NR1H4: variants seen among roughly 807,000 people sequenced by gnomAD.
NR1H4 encodes the protein bile acid receptor.
In NR1H4, 23 loss-of-function variants were observed where a neutral mutation model predicts 58.5. The ratio of observed to expected loss-of-function variants is 0.39; its 90% CI spans 0.28 to 0.56. NR1H4 has a LOEUF of 0.56. Among genes scored for constraint, NR1H4 ranks in the 20% least tolerant of loss-of-function variants. The pLI is 0.58. For synonymous variants in NR1H4, 214 were observed against 198.0 expected (o/e 1.08, Z -0.68); for missense variants, 487 against 576.9 (o/e 0.84, Z 1.60).
chr12:100,513,386 A>G (rs1168558116), intron 4 of NR1H4, among the ~76,000 whole-genome samples: 2 of 152,166 alleles, frequency 1.3e-5, no homozygotes, highest in African/African-American at 2.4e-5. Context: ...CTCGATTCCT[A>G]TATGAAGTGG....
intron 1 of NR1H4, among the ~76,000 whole-genome samples, chr12:100,475,350 G>A (rs1326741190): frequency 2.0e-5 from 3 of 152,084 alleles, no homozygotes; most frequent in Non-Finnish European, 4.4e-5. Flanking sequence ...GTTTTCTGAG[G>A]ATGTTGCAAC....
At chr12:100,524,378 C>A (rs566218427) in intron 4 of NR1H4, among the ~76,000 whole-genome samples, 1 of 152,304 alleles carries the variant, frequency 6.6e-6, no homozygotes, top group East Asian at 1.9e-4. Context: ...ACCCAGAACA[C>A]CCCTAGGAAC....
chr12:100,563,773 G>GA lies in NR1H4; in HGVS notation c.*288dup. On this transcript the variant is annotated 3_prime_UTR_variant, in exon 11 of 11. Coordinates refer to ENST00000392986, the MANE Select transcript of NR1H4 (RefSeq NM_001206979.2). ...CTTCAATTCTATCTGTTGAACTAGG[G>GA]AAAATCTCATTTTGCTCATCTTACC... 2.6e-6 allele frequency: 1 copy of GA among 387,846 alleles called. No homozygotes were observed. The highest frequency in any genetic ancestry group is 4.5e-5 in the South Asian group (1 of 22,352). 24.0% of individuals were successfully genotyped at this position (387,846 alleles called of 1,614,324 possible).
intron 1 of NR1H4, among the ~76,000 whole-genome samples, chr12:100,484,373 A>G (rs1953445975): frequency 6.6e-6 from 1 of 152,226 alleles, no homozygotes; most frequent in Admixed American, 6.5e-5. Flanking sequence ...TTCCCATGAC[A>G]CACGGTATCT....
At chr12:100,495,935 A>G (rs890656593) in intron 3 of NR1H4, among the ~76,000 whole-genome samples, 5 of 152,184 alleles carry the variant, frequency 3.3e-5, no homozygotes, top group African/African-American at 9.7e-5. Context: ...GGCCTAACTC[A>G]GTACTCCTGA....
intron 1 of NR1H4, among the ~76,000 whole-genome samples, chr12:100,477,645 G>A (rs1351314130): frequency 6.6e-6 from 1 of 152,220 alleles, no homozygotes; most frequent in African/African-American, 2.4e-5. Context: ...GGATGTTGCT[G>A]ATTAGAGAAA....
In NR1H4 at chr12:100,542,160, AC is replaced by A. The variant is rs1241031909; in HGVS notation, c.1078+1343del. Among the ~76,000 whole-genome samples, 4 of 152,044 alleles carry A rather than the reference AC, an allele frequency of 2.6e-5. No homozygotes were observed. In the East Asian group the frequency reaches 5.9e-4, roughly 22 times the overall value. ...CAGGAGTTCAAGACCAGCCTGGCCAACATAGTGAAACTCCGTCTCTACTAAA... is the reference window on the plus strand; with the variant it reads ...CAGGAGTTCAAGACCAGCCTGGCCAAATAGTGAAACTCCGTCTCTACTAAA... On this transcript the variant is annotated intron_variant, in intron 9 of 10. Transcript: ENST00000392986.
intron 6 of NR1H4, among the ~76,000 whole-genome samples, chr12:100,536,284 T>A (rs1307047582): frequency 6.6e-6 from 1 of 152,172 alleles, no homozygotes; most frequent in Non-Finnish European, 1.5e-5. Context: ...GTGGAATATT[T>A]TGTTATTCAT....
chr12:100,540,534 T>C, intron 8 of NR1H4, 138 bp from the exon 9 acceptor site: 1 of 876,370 alleles, frequency 1.1e-6, no homozygotes, highest in Admixed American at 1.9e-5. Context: ...TATTGGCGAG[T>C]ACAAATGGAC....
chr12:100,481,323 C>T (rs1953375336), intron 1 of NR1H4, among the ~76,000 whole-genome samples: 1 of 151,936 alleles, frequency 6.6e-6, no homozygotes, highest in Admixed American at 6.6e-5. Flanking sequence ...AGCTTCTTGA[C>T]CATTTTGACT....
At chr12:100,478,776 A>G (rs898180155) in intron 1 of NR1H4, among the ~76,000 whole-genome samples, 1 of 152,192 alleles carries the variant, frequency 6.6e-6, no homozygotes, top group Admixed American at 6.5e-5. Context: ...TCTCCAGGAA[A>G]GATACCTAGG....
chr12:100,537,010 T>C lies in NR1H4; in HGVS notation c.894T>C (p.His298=), dbSNP rs1954829163. The change falls in exon 8 of 11, where the codon CAT becomes CAC. Residue 298 remains histidine, a synonymous_variant. Transcript: ENST00000392986. The part of the protein sequence containing the change: ...FLILTEMATN[H]VQVLVEFTKK... The stretch of plus-strand genomic sequence containing the variant: ...TTTTGACGGAAATGGCAACCAATCA[T>C]GTACAGGTTCTTGTAGAATTCACAA... The C allele has an allele frequency of 1.2e-6, 2 of 1,607,166 alleles. No individual in the cohort carries two copies. Among genetic ancestry groups the C allele is most frequent in the Non-Finnish European group, 1.7e-6 (2 of 1,177,068 alleles).
chr12:100,546,522 T>A (rs2136275991), intron 9 of NR1H4, among the ~76,000 whole-genome samples: 1 of 151,912 alleles, frequency 6.6e-6, no homozygotes, highest in African/African-American at 2.4e-5. Context: ...AGTGAAACCT[T>A]GTCTCTATTA....
intron 3 of NR1H4, among the ~76,000 whole-genome samples, chr12:100,497,758 A>T (rs3789986): frequency 0.031 from 4,705 of 152,328 alleles, 160 homozygotes; most frequent in East Asian, 0.15. Context: ...GTGCATAATA[A>T]AAAGTAATAA....
rs1954103895 is a variant in NR1H4, at chr12:100,511,133, G to A, written c.435G>A (p.Glu145=). Residue 145 remains glutamate, a synonymous_variant, in exon 4 of 11, where the codon GAG becomes GAA. Coordinates refer to ENST00000392986, the MANE Select transcript of NR1H4 (RefSeq NM_001206979.2). ...ACCACTATAATGCACTGACCTGTGA[G>A]GGGTGTAAAGGTAAGCATCTTTGAT... ...SGYHYNALTC[E]GCKGFFRRSI... 6.2e-7 allele frequency: 1 copy of A among 1,614,106 alleles called. No homozygotes were observed. The highest frequency in any genetic ancestry group is 8.5e-7 in the Non-Finnish European group (1 of 1,180,032).
intron 9 of NR1H4, among the ~76,000 whole-genome samples, chr12:100,545,875 C>T (rs80034514): frequency 6.6e-6 from 1 of 151,950 alleles, no homozygotes; most frequent in African/African-American, 2.4e-5. Context: ...GGGGAGGAAG[C>T]AGGTGGAGTC....
chr12:100,512,361 G>T (rs779540056), intron 4 of NR1H4, among the ~76,000 whole-genome samples: 161 of 150,406 alleles, frequency 1.1e-3, no homozygotes, highest in Non-Finnish European at 1.0e-3. Context: ...GACAATGTAG[G>T]CCGGGCATGG....
intron 1 of NR1H4, among the ~76,000 whole-genome samples, chr12:100,490,672 A>G (rs1028643793): frequency 3.3e-5 from 5 of 152,310 alleles, no homozygotes; most frequent in East Asian, 1.9e-4. Flanking sequence ...CATGATTCAT[A>G]TATGTATTCA....
At chr12:100,507,402 T>C (rs1003742912) in intron 3 of NR1H4, among the ~76,000 whole-genome samples, 2 of 152,222 alleles carry the variant, frequency 1.3e-5, no homozygotes, top group African/African-American at 4.8e-5. Flanking sequence ...GCACCATTTC[T>C]AAAATATTTT....
Sources: allele counts gnomAD v4.1 joint callset (sites outside exome capture counted in the v4.1 genomes callset), GRCh38; gene constraint gnomAD v4.1.1; transcripts MANE v1.5; gene names NCBI Gene and HGNC (gene_info 2026-07-23, HGNC 2026-07-21).